Variants in RBFOX1 observed in about 807,000 individuals in gnomAD.
The protein encoded by RBFOX1 is RNA binding protein fox-1 homolog 1.
Under a neutral mutation model 57.7 loss-of-function variants are expected in RBFOX1, and 8 were observed. That is an observed-to-expected ratio of 0.14 (90% CI 0.08 to 0.25). The LOEUF is 0.25. Among genes scored for constraint, RBFOX1 ranks in the 10% least tolerant of loss-of-function variants. RBFOX1 has a pLI of 1.00. For missense variants in RBFOX1, 611 were observed against 548.5 expected (o/e 1.11, Z -1.14); for synonymous variants, 326 against 222.4 (o/e 1.47, Z -4.15).
At chr16:7,284,808 C>G (rs1294971354) in intron 4 of RBFOX1, among the ~76,000 whole-genome samples, 4 of 152,220 alleles carry the variant, frequency 2.6e-5, no homozygotes, top group Admixed American at 1.3e-4. Context: ...AGGGCAGTCA[C>G]TGGCTGAGTG....
At chr16:5,401,760 TCTCTCTC>T (rs1489462350) in intron 1 of RBFOX1, among the ~76,000 whole-genome samples, 120 of 115,216 alleles carry the variant, frequency 1.0e-3, no homozygotes, top group Middle Eastern at 5.2e-3. Context: ...TCTCTCCCTG[TCTCTCTC>T]CTCCTCCTCC....
intron 4 of RBFOX1, among the ~76,000 whole-genome samples, chr16:5,896,380 T>A (rs1012063287): frequency 2.0e-5 from 3 of 152,188 alleles, no homozygotes; most frequent in African/African-American, 7.2e-5. Context: ...GATAGTGAGT[T>A]CTCACTCTGT....
intron 3 of RBFOX1, among the ~76,000 whole-genome samples, chr16:6,658,339 C>G (rs759134350): frequency 3.3e-5 from 5 of 151,628 alleles, no homozygotes; most frequent in Non-Finnish European, 5.9e-5. Context: ...CTCCCGGGTT[C>G]AAGCGATTCT....
At chr16:6,544,860 G>A (rs556855160) in intron 2 of RBFOX1, among the ~76,000 whole-genome samples, 1 of 152,242 alleles carries the variant, frequency 6.6e-6, no homozygotes, top group Non-Finnish European at 1.5e-5. Flanking sequence ...CTTGATCCAA[G>A]TTGGAATCCG....
In RBFOX1 at chr16:5,372,604, G is replaced by A. The variant is rs541027005; in HGVS notation, c.220-94612G>A. ...AGGTGATGCTGACTGCCCCTGTGGG[G>A]AGCAGGGCTCAGGTCTCTCTACTAT... is the stretch of plus-strand genomic sequence containing the variant. On this transcript the variant is annotated intron_variant, in intron 1 of 2. Transcript: ENST00000585867. Among the ~76,000 whole-genome samples, 11 of 152,284 alleles carry A rather than the reference G, an allele frequency of 7.2e-5. No individual in the cohort carries two copies. In the South Asian group the frequency reaches 2.3e-3, roughly 32 times the overall value.
At chr16:7,583,039 A>G (rs2093895816) in intron 6 of RBFOX1, among the ~76,000 whole-genome samples, 1 of 152,052 alleles carries the variant, frequency 6.6e-6, no homozygotes, top group Admixed American at 6.5e-5. Context: ...TCAGCACATC[A>G]TGAAGATTGG....
chr16:6,579,193 T>C (rs1299918808), intron 2 of RBFOX1, among the ~76,000 whole-genome samples: 1 of 152,206 alleles, frequency 6.6e-6, no homozygotes, highest in Non-Finnish European at 1.5e-5. Flanking sequence ...TGTTTTGTTT[T>C]CTTTTTTGTT....
Position 6,114,740 on chromosome 16 carries a change from C to T in RBFOX1, c.-127+94748C>T, listed in dbSNP as rs183964119. Among the ~76,000 whole-genome samples the T allele has an allele frequency of 2.8e-3, 427 of 152,198 alleles. 4 individuals carry two copies. The highest frequency in any genetic ancestry group is 7.7e-3 in the African/African-American group (319 of 41,540). On this transcript the variant is annotated intron_variant, in intron 1 of 15. Coordinates refer to ENST00000550418, the MANE Select transcript of RBFOX1 (RefSeq NM_018723.4). The stretch of plus-strand genomic sequence containing the variant: ...ATGACTAATGGCTAGTGATGCAGGA[C>T]GGGCAAGTCCAAAAGTTGGGGCTTA...
At chr16:6,359,078 TTTTGTTTGTTTG>T (rs149046972) in intron 2 of RBFOX1, among the ~76,000 whole-genome samples, 1 of 151,052 alleles carries the variant, frequency 6.6e-6, no homozygotes, top group African/African-American at 2.5e-5. Context: ...TTGAAAGGGT[TTTTGTTTGTTTG>T]TTTGTTTGTT....
chr16:6,894,873 T>G (rs2066377273), intron 3 of RBFOX1, among the ~76,000 whole-genome samples: 1 of 152,208 alleles, frequency 6.6e-6, no homozygotes, highest in Admixed American at 6.5e-5. Context: ...AGTTCTCAAA[T>G]GGATGTTTCA....
At chr16:5,479,721 T>C (rs939812166) in intron 2 of RBFOX1, among the ~76,000 whole-genome samples, 1 of 151,910 alleles carries the variant, frequency 6.6e-6, no homozygotes, top group Non-Finnish European at 1.5e-5. Flanking sequence ...ATCGCGCCAT[T>C]CCAGCCTGAG....
chr16:5,822,300 A>G (rs1220226581), intron 3 of RBFOX1, among the ~76,000 whole-genome samples: 2 of 152,194 alleles, frequency 1.3e-5, no homozygotes, highest in African/African-American at 4.8e-5. Context: ...GGAGAGGGGC[A>G]AGGGATAAAA....
At chr16:7,573,555 C>G (rs1187023659) in intron 5 of RBFOX1, among the ~76,000 whole-genome samples, 1 of 152,132 alleles carries the variant, frequency 6.6e-6, no homozygotes, top group Non-Finnish European at 1.5e-5. Context: ...CTTTTATGGC[C>G]AGGCACAGTG....
intron 15 of RBFOX1, 190 bp from the exon 16 acceptor site, chr16:7,710,433 T>C (rs1222077070): frequency 1.4e-6 from 2 of 1,408,184 alleles, no homozygotes; most frequent in Admixed American, 3.5e-5. Context: ...GGAATTTCTT[T>C]AGGAGGAGCT....
chr16:6,693,637 C>T (rs746322862), intron 3 of RBFOX1, among the ~76,000 whole-genome samples: 2 of 149,338 alleles, frequency 1.3e-5, no homozygotes, highest in South Asian at 2.2e-4. Context: ...TATTCACTAC[C>T]ATCACCACCA....
At chr16:5,562,513 C>T (rs1355120341) in intron 2 of RBFOX1, among the ~76,000 whole-genome samples, 1 of 152,012 alleles carries the variant, frequency 6.6e-6, no homozygotes, top group Non-Finnish European at 1.5e-5. Flanking sequence ...GGGGGAGGAC[C>T]TGGGGGAGAC....
intron 3 of RBFOX1, among the ~76,000 whole-genome samples, chr16:6,809,972 C>T (rs957973103): frequency 1.3e-5 from 2 of 151,372 alleles, no homozygotes; most frequent in Admixed American, 1.3e-4. Context: ...TATGATCAGA[C>T]ATCTAGAGCT....
intron 2 of RBFOX1, among the ~76,000 whole-genome samples, chr16:6,332,404 G>T (rs1046691270): frequency 6.6e-6 from 1 of 152,124 alleles, no homozygotes. Context: ...CAGAACATAT[G>T]AATGCACAAA....
intron 4 of RBFOX1, among the ~76,000 whole-genome samples, chr16:7,496,915 A>G (rs2068859133): frequency 6.6e-6 from 1 of 152,148 alleles, no homozygotes; most frequent in African/African-American, 2.4e-5. Context: ...ATTGGTACCC[A>G]TACAGATGTG....
Sources: allele counts gnomAD v4.1 joint callset (sites outside exome capture counted in the v4.1 genomes callset), GRCh38; gene constraint gnomAD v4.1.1; transcripts MANE v1.5; gene names NCBI Gene and HGNC (gene_info 2026-07-23, HGNC 2026-07-21).